CNTNAP2: variants seen among roughly 807,000 people sequenced by gnomAD.
CNTNAP2 encodes the protein contactin-associated protein-like 2.
A neutral mutation model predicts 155.2 loss-of-function variants in CNTNAP2; 98 were observed. The observed-to-expected ratio is 0.63, with a 90% CI of 0.54 to 0.75. CNTNAP2 has a LOEUF of 0.75. Ranked by LOEUF, CNTNAP2 falls within the 30% of genes least tolerant of loss-of-function variation. The pLI is 0.00. For synonymous variants in CNTNAP2, 651 were observed against 631.2 expected (o/e 1.03, Z -0.47); for missense variants, 1,727 against 1,688.1 (o/e 1.02, Z -0.40).
At chr7:147,850,273 A>G (rs1452376904) in intron 13 of CNTNAP2, among the ~76,000 whole-genome samples, 1 of 152,252 alleles carries the variant, frequency 6.6e-6, no homozygotes, top group Non-Finnish European at 1.5e-5. Context: ...AAGAGGACAC[A>G]AACAAATGGA....
chr7:148,297,187 A>AGGAAGGAAGGAAGGAAGGAGGGAAGGAG (rs1554413961), intron 21 of CNTNAP2, among the ~76,000 whole-genome samples: 1 of 150,418 alleles, frequency 6.6e-6, no homozygotes, highest in Non-Finnish European at 1.5e-5. Context: ...GAAGGAAGGA[A>AGGAAGGAAGGAAGGAAGGAGGGAAGGAG]GGAAGGAAGG....
intron 1 of CNTNAP2, among the ~76,000 whole-genome samples, chr7:146,504,249 C>T (rs966802305): frequency 3.0e-4 from 45 of 151,836 alleles, no homozygotes; most frequent in African/African-American, 9.9e-4. Flanking sequence ...CAGGGAGCAA[C>T]AACTCACTAC....
intron 12 of CNTNAP2, among the ~76,000 whole-genome samples, chr7:147,599,073 A>G (rs2116856648): frequency 6.6e-6 from 1 of 152,310 alleles, no homozygotes; most frequent in South Asian, 2.1e-4. Context: ...AAACTGTCCC[A>G]ATATATAAGG....
chr7:147,093,240 C>CAAA (rs530286124), intron 4 of CNTNAP2, among the ~76,000 whole-genome samples: 53 of 54,320 alleles, frequency 9.8e-4, no homozygotes, highest in African/African-American at 2.0e-3. Flanking sequence ...GACTCCATCT[C>CAAA]AAAAAAAAAA....
chr7:146,142,915 A>G (rs1002342375), intron 1 of CNTNAP2, among the ~76,000 whole-genome samples: 1 of 152,248 alleles, frequency 6.6e-6, no homozygotes, highest in African/African-American at 2.4e-5. Flanking sequence ...AAGAAGTCCA[A>G]TGTCTAGAAA....
At position 148,118,140 on chromosome 7, in the gene CNTNAP2, T is replaced by C. The variant is rs1456272550; in HGVS notation, c.2406T>C (p.Ser802=). 4 of 1,614,192 alleles carry C rather than the reference T, an allele frequency of 2.5e-6. No homozygotes were observed. Among genetic ancestry groups the C allele is most frequent in the Non-Finnish European group, 3.4e-6 (4 of 1,180,034 alleles). ...CAGGGAATTATTGGAATGCCGCCTC[T>C]TTCCCAAACCCATCCTCCTACCTGC... ...QGDRNYWNAA[S]FPNPSSYLHF... The change falls in exon 16 of 24, where the codon TCT becomes TCC. Residue 802 remains serine (S), a synonymous_variant. Coordinates refer to ENST00000361727, the MANE Select transcript of CNTNAP2 (RefSeq NM_014141.6).
chr7:148,069,114 T>C (rs1184404716), intron 15 of CNTNAP2, among the ~76,000 whole-genome samples: 1 of 152,238 alleles, frequency 6.6e-6, no homozygotes, highest in Non-Finnish European at 1.5e-5. Flanking sequence ...TGCCCTGCCC[T>C]GCCTGATCTC....
chr7:147,618,778 T>G (rs1801341406), intron 12 of CNTNAP2, among the ~76,000 whole-genome samples: 1 of 151,324 alleles, frequency 6.6e-6, no homozygotes, highest in South Asian at 2.1e-4. Flanking sequence ...AATTGTTTTT[T>G]GCTTTTTTTT....
intron 14 of CNTNAP2, among the ~76,000 whole-genome samples, chr7:147,930,399 A>T (rs1341035069): frequency 6.6e-6 from 1 of 152,206 alleles, no homozygotes; most frequent in East Asian, 1.9e-4. Flanking sequence ...ATGATAATCT[A>T]TGCAAATGGC....
chr7:148,009,950 C>T (rs1802047332), intron 15 of CNTNAP2, among the ~76,000 whole-genome samples: 1 of 152,010 alleles, frequency 6.6e-6, no homozygotes, highest in African/African-American at 2.4e-5. Flanking sequence ...AAGAATTTCT[C>T]TAAGGTAACT....
intron 3 of CNTNAP2, among the ~76,000 whole-genome samples, chr7:146,875,514 G>A (rs1044229525): frequency 3.9e-5 from 6 of 152,074 alleles, no homozygotes; most frequent in African/African-American, 1.4e-4. Context: ...ACACGAAACT[G>A]TCTTTCTCAA....
chr7:148,277,801 A>G (rs1465241205), intron 21 of CNTNAP2, among the ~76,000 whole-genome samples: 2 of 146,744 alleles, frequency 1.4e-5, no homozygotes, highest in Non-Finnish European at 3.0e-5. Flanking sequence ...AAAGAAAAAA[A>G]GAAAAAAAGC....
At chr7:148,349,693 G>T (rs969633034) in intron 21 of CNTNAP2, among the ~76,000 whole-genome samples, 1 of 152,172 alleles carries the variant, frequency 6.6e-6, no homozygotes, top group East Asian at 1.9e-4. Flanking sequence ...GAGCCACCGC[G>T]CCAGGCCAAA....
intron 11 of CNTNAP2, among the ~76,000 whole-genome samples, chr7:147,500,576 A>G (rs1481103796): frequency 1.3e-5 from 2 of 152,178 alleles, no homozygotes; most frequent in African/African-American, 4.8e-5. Flanking sequence ...GGTAAGTATT[A>G]AATACAATTT....
chr7:148,413,122 C>T (rs1009160141), intron 23 of CNTNAP2, among the ~76,000 whole-genome samples: 1 of 151,526 alleles, frequency 6.6e-6, no homozygotes, highest in Non-Finnish European at 1.5e-5. Context: ...CCAGGCGTAG[C>T]AGCTCACGCC....
chr7:147,052,039 A>G (rs193060919), intron 4 of CNTNAP2, among the ~76,000 whole-genome samples: 45 of 152,212 alleles, frequency 3.0e-4, no homozygotes, highest in African/African-American at 1.0e-3. Flanking sequence ...ACAGGCAGTC[A>G]TTGGAGATAC....
Position 147,489,012 on chromosome 7 carries a change from C to T in CNTNAP2, c.1777+2971C>T, listed in dbSNP as rs141711102. Among the ~76,000 whole-genome samples, 670 of 152,312 alleles carry T rather than the reference C, an allele frequency of 4.4e-3. 3 individuals carry two copies. Among genetic ancestry groups the T allele is most frequent in the African/African-American group, 0.015 (638 of 41,578 alleles). ...TGTCCTTTTCCTTTGAACTTCTATA[C>T]CAATAATTGCCCAAATCACACAATG... On this transcript the variant is annotated intron_variant, in intron 11 of 23. Coordinates refer to ENST00000361727, the MANE Select transcript of CNTNAP2 (RefSeq NM_014141.6).
At chr7:146,333,056 G>C (rs1801212296) in intron 1 of CNTNAP2, among the ~76,000 whole-genome samples, 1 of 144,734 alleles carries the variant, frequency 6.9e-6, no homozygotes, top group Non-Finnish European at 1.5e-5. Flanking sequence ...TGATTCTCCT[G>C]CCTCAGCCTC....
chr7:147,603,144 C>T (rs1219678648), intron 12 of CNTNAP2, among the ~76,000 whole-genome samples: 2 of 151,448 alleles, frequency 1.3e-5, no homozygotes, highest in African/African-American at 4.9e-5. Flanking sequence ...CTCTCCAGCA[C>T]CTGTTGTTTC....
Sources: gnomAD v4.1 joint callset for allele counts (sites outside exome capture counted in the v4.1 genomes callset) on GRCh38, gnomAD v4.1.1 for gene constraint, MANE v1.5 for transcripts, NCBI Gene and HGNC (gene_info 2026-07-23, HGNC 2026-07-21) for gene names.